Variants in IL23R observed in about 807,000 individuals in gnomAD.
The protein encoded by IL23R is interleukin-23 receptor.
Under a neutral mutation model 56.9 loss-of-function variants are expected in IL23R, and 34 were observed. The ratio of observed to expected loss-of-function variants is 0.60; its 90% CI spans 0.45 to 0.80. The LOEUF (loss-of-function observed/expected upper bound fraction) is 0.80. Ranked by LOEUF, IL23R falls within the 30% of genes least tolerant of loss-of-function variation. The probability of loss-of-function intolerance (pLI) is 0.00; values close to 1 mark genes in which losing one functional copy is unlikely to be tolerated. For missense variants in IL23R, 635 were observed against 730.0 expected (o/e 0.87, Z 1.50); for synonymous variants, 230 against 249.2 (o/e 0.92, Z 0.73).
upstream of IL23R, among the ~76,000 whole-genome samples, chr1:67,165,563 C>T (rs1461210729): frequency 6.6e-6 from 1 of 152,136 alleles, no homozygotes; most frequent in Admixed American, 6.5e-5. Context: ...ATGGAAATAA[C>T]ATTTTAAGTG....
intron 7 of IL23R, 140 bp downstream of exon 7, chr1:67,219,870 G>A: frequency 1.3e-6 from 1 of 781,572 alleles, no homozygotes; most frequent in East Asian, 2.5e-5. Context: ...GTTTGAGACT[G>A]GCCTGGGCAA....
chr1:67,182,158 C>T (rs1647155701), intron 3 of IL23R, among the ~76,000 whole-genome samples: 1 of 152,342 alleles, frequency 6.6e-6, no homozygotes, highest in Non-Finnish European at 1.5e-5. Flanking sequence ...CTCTTCAAAG[C>T]TGTCAGACGG....
chr1:67,144,583 C>T (rs1001567366), intron 1 of IL23R, among the ~76,000 whole-genome samples: 1 of 152,140 alleles, frequency 6.6e-6, no homozygotes, highest in African/African-American at 2.4e-5. Context: ...TATCTTTGAA[C>T]TAAATGTGAA....
In IL23R at chr1:67,169,553, A is replaced by G. The variant is rs765580964; in HGVS notation, c.282A>G (p.Glu94=). The change falls in exon 3 of 11, where the codon GAA becomes GAG. Residue 94 remains glutamate (E), a synonymous_variant. Coordinates refer to ENST00000347310, the MANE Select transcript of IL23R (RefSeq NM_144701.3). The part of the protein sequence containing the change: ...TARLWYKNFL[E]PHASMYCTAE... ...GGCTTTGGTATAAAAACTTTCTGGA[A>G]CCACATGCTTCTATGTACTGCACTG... 6.8e-6 allele frequency: 11 copies of G among 1,613,932 alleles called. No homozygotes were observed. Among genetic ancestry groups the G allele is most frequent in the Non-Finnish European group, 9.3e-6 (11 of 1,179,890 alleles).
intron 1 of IL23R, among the ~76,000 whole-genome samples, chr1:67,148,653 A>G (rs1250119443): frequency 6.6e-6 from 1 of 152,196 alleles, no homozygotes; most frequent in Non-Finnish European, 1.5e-5. Flanking sequence ...TATTTCTCAC[A>G]TTAACCTTTT....
chr1:67,169,499 A>G lies in IL23R; in HGVS notation c.228A>G (p.Gln76=). The G allele has an allele frequency of 6.2e-7, 1 of 1,614,140 alleles. No individual in the cohort carries two copies. The highest frequency in any genetic ancestry group is 8.5e-7 in the Non-Finnish European group (1 of 1,179,986). The change falls in exon 3 of 11, where the codon CAA becomes CAG. Residue 76 remains glutamine, a synonymous_variant. Coordinates refer to ENST00000347310, the MANE Select transcript of IL23R (RefSeq NM_144701.3). ...FYKNGIKERF[Q]ITRINKTTAR... ...AAAATGGCATCAAAGAAAGATTTCA[A>G]ATCACAAGGATTAATAAAACAACAG...
intron 6 of IL23R, chr1:67,207,748 T>A (rs182745311): frequency 8.6e-6 from 2 of 231,602 alleles, no homozygotes; most frequent in South Asian, 1.1e-4. Context: ...TATGTCTTTA[T>A]CATTAGCATG....
chr1:67,183,908 C>T (rs1647201428), intron 4 of IL23R, among the ~76,000 whole-genome samples: 1 of 152,142 alleles, frequency 6.6e-6, no homozygotes, highest in African/African-American at 2.4e-5. Flanking sequence ...CTTACCTTAT[C>T]CGTGTTTCTT....
chr1:67,143,384 T>A (rs1337869292), intron 1 of IL23R, among the ~76,000 whole-genome samples: 2 of 152,146 alleles, frequency 1.3e-5, no homozygotes, highest in Non-Finnish European at 2.9e-5. Flanking sequence ...ATTTTGAGTA[T>A]AAGGAGTTTA....
intron 7 of IL23R, among the ~76,000 whole-genome samples, chr1:67,223,025 G>A (rs973597542): frequency 6.6e-5 from 10 of 152,084 alleles, no homozygotes; most frequent in Admixed American, 5.2e-4. Flanking sequence ...AGGCCAAGGC[G>A]AGTGGATCAC....
intron 7 of IL23R, among the ~76,000 whole-genome samples, chr1:67,227,988 TTC>T (rs1457568943): frequency 5.0e-5 from 5 of 99,986 alleles, no homozygotes; most frequent in African/African-American, 1.7e-4. Context: ...CTTTCTTTCT[TTC>T]TTTCTTTCTT....
chr1:67,196,149 A>G (rs1648130957), intron 4 of IL23R: 1 of 152,348 alleles, frequency 6.6e-6, no homozygotes, highest in East Asian at 1.9e-4. Flanking sequence ...AGTCTGCCTC[A>G]ACAGCACAAA....
chr1:67,210,831 T>C (rs769433493), intron 6 of IL23R, among the ~76,000 whole-genome samples: 1 of 152,144 alleles, frequency 6.6e-6, no homozygotes, highest in Non-Finnish European at 1.5e-5. Flanking sequence ...TTCAGCGCGT[T>C]AAATAAAGTG....
chr1:67,233,588 A>G (rs1032725295), intron 7 of IL23R, among the ~76,000 whole-genome samples: 2 of 152,214 alleles, frequency 1.3e-5, no homozygotes, highest in African/African-American at 4.8e-5. Flanking sequence ...AATTTTGTCC[A>G]ACAATAAGAA....
chr1:67,182,503 G>A (rs1461760846), intron 3 of IL23R, among the ~76,000 whole-genome samples: 1 of 152,116 alleles, frequency 6.6e-6, no homozygotes, highest in African/African-American at 2.4e-5. Context: ...TATTAGGGTG[G>A]GAGTGACCCT....
chr1:67,155,608 A>C (rs922381625), intron 1 of IL23R, among the ~76,000 whole-genome samples: 1 of 152,066 alleles, frequency 6.6e-6, no homozygotes, highest in Non-Finnish European at 1.5e-5. Flanking sequence ...TGTATGCTTC[A>C]TTAAGTTCTC....
chr1:67,200,940 T>C, intron 5 of IL23R, 43 bp downstream of exon 5: 1 of 1,593,586 alleles, frequency 6.3e-7, no homozygotes, highest in Non-Finnish European at 8.6e-7. Flanking sequence ...AATAACCAGT[T>C]TGTGCTGACC....
downstream of IL23R, among the ~76,000 whole-genome samples, chr1:67,262,450 G>C (rs1653226007): frequency 6.6e-6 from 1 of 152,186 alleles, no homozygotes; most frequent in Admixed American, 6.5e-5. Flanking sequence ...TGGGTGGTCA[G>C]GAAAGACCAC....
chr1:67,175,931 CCTT>C (rs958595926), intron 3 of IL23R, among the ~76,000 whole-genome samples: 1 of 152,092 alleles, frequency 6.6e-6, no homozygotes, highest in African/African-American at 2.4e-5. Flanking sequence ...CTCCAGGAAT[CCTT>C]CCAGCCTCAG....
Sources: gnomAD v4.1 joint callset for allele counts (sites outside exome capture counted in the v4.1 genomes callset) on GRCh38, gnomAD v4.1.1 for gene constraint, MANE v1.5 for transcripts, NCBI Gene and HGNC (gene_info 2026-07-23, HGNC 2026-07-21) for gene names.